MYO15B: variants seen among roughly 807,000 people sequenced by gnomAD.
The protein encoded by MYO15B is myosin XVB, also known as myosin XVB pseudogene.
Under a neutral mutation model 119.3 loss-of-function variants are expected in MYO15B, and 207 were observed. The ratio of observed to expected loss-of-function variants is 1.73; its 90% CI spans 1.55 to 1.95. The LOEUF is 1.95. MYO15B is among the 30% of genes most tolerant of loss of function. The pLI is 0.00. For synonymous variants in MYO15B, 966 were observed against 498.9 expected (o/e 1.94, Z -12.48); for missense variants, 2,264 against 1,203.1 (o/e 1.88, Z -13.04).
chr17:75,589,086 C>T lies in MYO15B; in HGVS notation c.1029C>T (p.Leu343=), dbSNP rs1362819990. ...CGGCCCTCCTGGTGGTCCGCAGGCT[C>T]CTCGCGAGGCCCCCGCCAGGCGCCG... The change falls in exon 1 of 64, where the codon CTC becomes CTT. Residue 343 remains leucine (L), a synonymous_variant. Coordinates refer to ENST00000645453, the Ensembl canonical transcript of MYO15B. The surrounding 1 kb of genome is among the most constrained non-coding windows in gnomAD (Gnocchi z 4.2). The T allele has an allele frequency of 1.3e-5, 5 of 394,240 alleles. No homozygotes were observed. Among genetic ancestry groups the T allele is most frequent in the Non-Finnish European group, 2.2e-5 (5 of 223,292 alleles). 24.4% of individuals were successfully genotyped at this position (394,240 alleles called of 1,614,324 possible).
chr17:75,588,124 C>G (rs1425456982), exon 1 of MYO15B: 1 of 398,140 alleles, frequency 2.5e-6, no homozygotes, highest in African/African-American at 2.1e-5. Flanking sequence ...CTCAGGGGAG[C>G]AGGAGTCGGG....
At chr17:75,615,272 C>G (rs1417550400) in exon 34 of MYO15B, 1 of 702,696 alleles carries the variant, frequency 1.4e-6, no homozygotes, top group Non-Finnish European at 2.6e-6. Context: ...GCCTGCATAC[C>G]AGCCAGGCAT....
At position 75,615,721 on chromosome 17, in the gene MYO15B, C is replaced by T. The variant is rs1309412374; in HGVS notation, c.5867C>T (p.Ser1956Phe). ...CAGCAGATGACAGCCCAGGCCATGT[C>T]CCTGTCCCTGGAGCAGCAGATGCAG... The change falls in exon 36 of 64, where the codon TCC becomes TTC. Residue 1956 changes from serine to phenylalanine, a missense_variant. Coordinates refer to ENST00000645453, the Ensembl canonical transcript of MYO15B. 3 of 696,170 alleles carry T rather than the reference C, an allele frequency of 4.3e-6. No individual in the cohort carries two copies. The South Asian group carries it at 4.5e-5, about 10-fold the overall frequency. The allele number at this position is 696,170 out of a possible 1,614,324, so 43.1% of individuals were successfully genotyped here.
chr17:75,598,772 C>T (rs2057051568), intron 14 of MYO15B, among the ~76,000 whole-genome samples: 1 of 151,924 alleles, frequency 6.6e-6, no homozygotes, highest in South Asian at 2.1e-4. Context: ...TTGTTTCTCC[C>T]AGTTCACATT....
intron 15 of MYO15B, 193 bp from the exon 16 acceptor site, chr17:75,602,324 A>C (rs1304357520): frequency 1.4e-6 from 1 of 695,196 alleles, no homozygotes; most frequent in Admixed American, 2.0e-5. Context: ...TGGGGACTGG[A>C]CCTGTCCATG....
intron 10 of MYO15B, 31 bp from the exon 11 acceptor site, chr17:75,594,670 A>G: frequency 1.4e-6 from 1 of 702,572 alleles, no homozygotes. Flanking sequence ...TGCAGGCCTG[A>G]CACACCAGCT....
At chr17:75,603,952 G>C (rs1041615312) in intron 19 of MYO15B, among the ~76,000 whole-genome samples, 1 of 152,190 alleles carries the variant, frequency 6.6e-6, no homozygotes, top group Non-Finnish European at 1.5e-5. Flanking sequence ...TTGATGTCCA[G>C]CTGAGCTGGG....
At chr17:75,618,328 T>C (rs2058502258) in intron 43 of MYO15B, 143 bp downstream of exon 43, 4 of 632,250 alleles carry the variant, frequency 6.3e-6, no homozygotes, top group Admixed American at 2.3e-5. Context: ...TGCCCAGACC[T>C]GCCTTCATTG....
In MYO15B at chr17:75,591,166, C is replaced by T. The variant is rs1267117398; in HGVS notation, c.2361-6C>T. 1.4e-6 allele frequency: 1 copy of T among 702,946 alleles called. No homozygotes were observed. The highest frequency in any genetic ancestry group is 2.0e-5 in the Admixed American group (1 of 50,006). 43.5% of individuals were successfully genotyped at this position (702,946 alleles called of 1,614,324 possible). On this transcript the variant is annotated splice_region_variant and splice_polypyrimidine_tract_variant and intron_variant, in intron 3 of 63. Transcript: ENST00000645453. ...CCATGTCTGGCAACCTTCTCATCTC[C>T]CTCAGACACATCTTTGCCATCGTGG... is the stretch of plus-strand genomic sequence containing the variant.
chr17:75,597,967 A>T (rs2147797083), intron 14 of MYO15B, among the ~76,000 whole-genome samples: 1 of 152,062 alleles, frequency 6.6e-6, no homozygotes, highest in South Asian at 2.1e-4. Flanking sequence ...CAAATACAAA[A>T]TCACCCCTGT....
At chr17:75,595,866 G>A (rs2056824275) in intron 12 of MYO15B, among the ~76,000 whole-genome samples, 1 of 152,242 alleles carries the variant, frequency 6.6e-6, no homozygotes, top group Non-Finnish European at 1.5e-5. Context: ...GAGGGGGCTG[G>A]AGGGAGAGGA....
In MYO15B at chr17:75,621,183, G is replaced by A. The variant is rs532746450; in HGVS notation, c.7871+7G>A. 45 of 687,480 alleles carry A rather than the reference G, an allele frequency of 6.5e-5. No individual in the cohort carries two copies. The highest frequency in any genetic ancestry group is 3.5e-4 in the African/African-American group (20 of 57,238). 42.6% of individuals were successfully genotyped at this position (687,480 alleles called of 1,614,324 possible). On this transcript the variant is annotated splice_region_variant and intron_variant, in intron 50 of 63. Transcript: ENST00000645453. ...TCCGGAGGTCCCAGGCCTTGTGAGT[G>A]CACTGGGCCAACCCCTGTGCCTGTC... is the stretch of plus-strand genomic sequence containing the variant.
exon 36 of MYO15B, chr17:75,615,743 G>T (rs767787773): frequency 2.6e-5 from 18 of 700,284 alleles, no homozygotes; most frequent in Non-Finnish European, 4.2e-5. Flanking sequence ...AGCAGCAGAT[G>T]CAGCAGCGGC....
intron 14 of MYO15B, among the ~76,000 whole-genome samples, chr17:75,599,477 CG>C (rs1304924502): frequency 6.6e-6 from 1 of 151,338 alleles, no homozygotes; most frequent in Non-Finnish European, 1.5e-5. Context: ...TTAGTAGAGA[CG>C]GGGTTTCACC....
At chr17:75,595,752 C>G (rs1346804889) in intron 12 of MYO15B, among the ~76,000 whole-genome samples, 1 of 152,236 alleles carries the variant, frequency 6.6e-6, no homozygotes, top group Non-Finnish European at 1.5e-5. Flanking sequence ...CCCCACTTCC[C>G]CCACGTCAGG....
At chr17:75,588,107 G>A in exon 1 of MYO15B, 1 of 398,326 alleles carries the variant, frequency 2.5e-6, no homozygotes, top group Non-Finnish European at 4.4e-6. Context: ...AGGCCCGGGA[G>A]GCCGGCCTCA....
Position 75,592,784 on chromosome 17 carries a change from T to C in MYO15B, c.2935T>C (p.Trp979Arg), listed in dbSNP as rs78705445. ...GTGCCCAGAGGAGTTGAATGCCGTC[T>C]GGGCTGTGCTGGCCGCCATCCTGCA... The change falls in exon 9 of 64, where the codon TGG becomes CGG. Residue 979 changes from tryptophan to arginine, a missense_variant. By Grantham distance (101) the Trp-to-Arg change is moderately radical. Coordinates refer to ENST00000645453, the Ensembl canonical transcript of MYO15B. The C allele has an allele frequency of 5.7e-4, 400 of 702,916 alleles. 4 individuals carry two copies. In the East Asian group the frequency reaches 0.011, roughly 19 times the overall value. The allele number at this position is 702,916 out of a possible 1,614,324, so 43.5% of individuals were successfully genotyped here.
At chr17:75,602,286 A>C in intron 15 of MYO15B, 1 of 654,162 alleles carries the variant, frequency 1.5e-6, no homozygotes, top group Non-Finnish European at 2.8e-6. Flanking sequence ...CATAGGTTAA[A>C]GCCCCAGTGG....
intron 43 of MYO15B, 67 bp downstream of exon 43, chr17:75,618,252 A>G (rs544368530): frequency 1.4e-6 from 1 of 699,336 alleles, no homozygotes; most frequent in Admixed American, 2.0e-5. Flanking sequence ...CCCTTTGTCT[A>G]ATGGCTGGGC....
Sources: gnomAD v4.1 joint callset for allele counts (sites outside exome capture counted in the v4.1 genomes callset) on GRCh38, gnomAD v4.1.1 for gene constraint, Gnocchi (gnomAD v3.1) non-coding constraint, MANE v1.5 for transcripts, NCBI Gene and HGNC (gene_info 2026-07-23, HGNC 2026-07-21) for gene names.